Variants in ARHGAP10 observed in about 807,000 individuals in gnomAD.
The protein encoded by ARHGAP10 is rho GTPase-activating protein 10.
A neutral mutation model predicts 108.6 loss-of-function variants in ARHGAP10; 87 were observed. That is an observed-to-expected ratio of 0.80 (90% CI 0.67 to 0.96). The LOEUF is 0.96. Among genes scored for constraint, ARHGAP10 ranks in the 40% least tolerant of loss-of-function variants. ARHGAP10 has a pLI of 0.00. For synonymous variants in ARHGAP10, 347 were observed against 341.1 expected, an observed-to-expected ratio of 1.02 and a Z score of -0.19; for missense variants, 939 against 954.5, an observed-to-expected ratio of 0.98 and a Z score of 0.21.
intron 18 of ARHGAP10, among the ~76,000 whole-genome samples, chr4:147,979,589 A>G (rs573180724): frequency 1.1e-4 from 16 of 152,216 alleles, no homozygotes; most frequent in African/African-American, 3.6e-4. Flanking sequence ...TGGCAATTTG[A>G]TAGAAGTAAT....
intron 3 of ARHGAP10, among the ~76,000 whole-genome samples, chr4:147,825,169 TG>T (rs1193490550): frequency 1.7e-5 from 1 of 57,430 alleles, no homozygotes; most frequent in Non-Finnish European, 3.3e-5. Context: ...GACAGAGGGC[TG>T]GGCGCAGTGG....
intron 13 of ARHGAP10, among the ~76,000 whole-genome samples, chr4:147,923,075 G>A (rs975371): frequency 0.14 from 21,119 of 152,138 alleles, 3,218 homozygotes; most frequent in African/African-American, 0.36. Flanking sequence ...TGGTAATATT[G>A]TGTGTCTCAA....
chr4:147,997,329 C>A (rs1394507325), intron 18 of ARHGAP10, among the ~76,000 whole-genome samples: 1 of 152,088 alleles, frequency 6.6e-6, no homozygotes, highest in African/African-American at 2.4e-5. Flanking sequence ...AATGAACTTA[C>A]TAAAATTAAT....
Position 147,837,650 on chromosome 4 carries a change from T to TTTTTTGTTTTTTTTTTTTG in ARHGAP10, c.313-9496_313-9495insGTTTTTTTTTTTTGTTTTT, listed in dbSNP as rs1553955211. Among the ~76,000 whole-genome samples the TTTTTTGTTTTTTTTTTTTG allele has an allele frequency of 1.4e-4, 16 of 112,008 alleles. 1 individual carries two copies. The highest frequency in any genetic ancestry group is 2.4e-4 in the Non-Finnish European group (13 of 54,602). 73.5% of individuals were successfully genotyped at this position (112,008 alleles called of 152,430 possible). Reference sequence around the variant, plus strand: ...CTAGAATCTCTGGTCACTGTTTTTTTTTTTTTTTTTTTAAAGCAGTAGCTT... The same window carrying TTTTTTGTTTTTTTTTTTTG: ...CTAGAATCTCTGGTCACTGTTTTTTTTTTTTGTTTTTTTTTTTTGTTTTTTTTTTTTAAAGCAGTAGCTT... On this transcript the variant is annotated intron_variant, in intron 3 of 22. Coordinates refer to ENST00000336498, the MANE Select transcript of ARHGAP10 (RefSeq NM_024605.4).
At chr4:148,027,026 A>C (rs1022315940) in intron 19 of ARHGAP10, among the ~76,000 whole-genome samples, 1 of 152,196 alleles carries the variant, frequency 6.6e-6, no homozygotes, top group African/African-American at 2.4e-5. Context: ...TAATTCCCCC[A>C]AATACAAGGA....
At chr4:147,754,466 G>A (rs758403058) in intron 1 of ARHGAP10, among the ~76,000 whole-genome samples, 14 of 152,180 alleles carry the variant, frequency 9.2e-5, no homozygotes, top group East Asian at 1.9e-4. Context: ...GCACAGTTGG[G>A]ATAGTGTTCA....
At position 147,814,302 on chromosome 4, in the gene ARHGAP10, T is replaced by G. The variant is rs377621044; in HGVS notation, c.155-8425T>G. On this transcript the variant is annotated intron_variant, in intron 1 of 22. Coordinates refer to ENST00000336498, the MANE Select transcript of ARHGAP10 (RefSeq NM_024605.4). ...TTGCTAGGATGCATCTTTTTTTTTT[T>G]TTCCAAGCTTTAAATTTATTTGAAG... 7.9e-3 allele frequency among the ~76,000 whole-genome samples: 1,207 copies of G among 152,278 alleles called. 21 individuals carry two copies. The highest frequency in any genetic ancestry group is 0.028 in the African/African-American group (1,155 of 41,560).
At position 147,822,890 on chromosome 4, in the gene ARHGAP10, T is replaced by C. The variant is rs1732564012; in HGVS notation, c.251-6T>C. 2.5e-6 allele frequency: 4 copies of C among 1,614,060 alleles called. 1 individual carries two copies. The South Asian group carries it at 4.4e-5, about 18-fold the overall frequency. On this transcript the variant is annotated splice_region_variant and splice_polypyrimidine_tract_variant and intron_variant, in intron 2 of 22. Coordinates refer to ENST00000336498, the MANE Select transcript of ARHGAP10 (RefSeq NM_024605.4). ...CCACCAAATAATCACTCCTTTCTTC[T>C]TACAGATGCTTCCTTACGTGAATTT...
At chr4:148,039,807 G>T (rs1357579604) in intron 19 of ARHGAP10, among the ~76,000 whole-genome samples, 1 of 151,904 alleles carries the variant, frequency 6.6e-6, no homozygotes, top group Non-Finnish European at 1.5e-5. Flanking sequence ...CTTTATAATT[G>T]AGGTCTTTGA....
At chr4:148,011,624 G>C (rs1741174178) in intron 18 of ARHGAP10, among the ~76,000 whole-genome samples, 1 of 152,230 alleles carries the variant, frequency 6.6e-6, no homozygotes, top group South Asian at 2.1e-4. Context: ...AAGCAGTCAG[G>C]AGCCTGTGCA....
chr4:147,866,830 AG>A lies in ARHGAP10; in HGVS notation c.702+15del. 1 of 1,549,964 alleles carries A rather than the reference AG, an allele frequency of 6.5e-7. No individual in the cohort carries two copies. The highest frequency in any genetic ancestry group is 1.2e-5 in the South Asian group (1 of 86,608). ...AACATTCAGAATGTAAGGAAGTGAAAGCTTTCTTTATAAAAAGATGTTTGAA... is the reference window on the plus strand; with the variant it reads ...AACATTCAGAATGTAAGGAAGTGAAACTTTCTTTATAAAAAGATGTTTGAA... On this transcript the variant is annotated intron_variant, in intron 7 of 22. Coordinates refer to ENST00000336498, the MANE Select transcript of ARHGAP10 (RefSeq NM_024605.4).
At chr4:147,942,649 C>T (rs1394884108) in intron 14 of ARHGAP10, among the ~76,000 whole-genome samples, 2 of 152,162 alleles carry the variant, frequency 1.3e-5, no homozygotes, top group Non-Finnish European at 2.9e-5. Context: ...CTTTCCTTCT[C>T]CCCTAATTCC....
chr4:148,017,859 G>A (rs1311069541), intron 18 of ARHGAP10, among the ~76,000 whole-genome samples: 1 of 152,046 alleles, frequency 6.6e-6, no homozygotes, highest in Middle Eastern at 3.2e-3. Context: ...AGTATTTCTG[G>A]CAGAAGTGGT....
At chr4:148,065,638 T>A (rs1367099386) in intron 22 of ARHGAP10, 1 of 152,192 alleles carries the variant, frequency 6.6e-6, no homozygotes, top group African/African-American at 2.4e-5. Context: ...GCACACCATA[T>A]GGCTGAAGGG....
intron 1 of ARHGAP10, among the ~76,000 whole-genome samples, chr4:147,784,166 GTATTA>G (rs1424475345): frequency 5.2e-4 from 38 of 73,028 alleles, no homozygotes; most frequent in Admixed American, 7.2e-4. Context: ...ATTAAATTGT[GTATTA>G]TATATTTTAC....
intron 7 of ARHGAP10, among the ~76,000 whole-genome samples, chr4:147,870,166 T>A (rs1239307966): frequency 2.6e-5 from 4 of 151,978 alleles, no homozygotes; most frequent in East Asian, 1.9e-4. Context: ...TCCTCCTGCC[T>A]GTAGTCCTAG....
intron 4 of ARHGAP10, among the ~76,000 whole-genome samples, chr4:147,852,040 A>G (rs1404513646): frequency 1.3e-5 from 2 of 152,114 alleles, no homozygotes; most frequent in East Asian, 3.8e-4. Context: ...TTATTGTGAG[A>G]GTTGAGTGAA....
rs1422200407 is a variant in ARHGAP10 at position 147,955,311 on chromosome 4, C to T, written c.1392-5C>T. ...TGATAATTCTGAGCTGTTCTTTTCA[C>T]ACAGGAGTCTTCCAGAGCCTCTCAT... On this transcript the variant is annotated splice_region_variant and splice_polypyrimidine_tract_variant and intron_variant, in intron 15 of 22. Coordinates refer to ENST00000336498, the MANE Select transcript of ARHGAP10 (RefSeq NM_024605.4). 1 of 1,609,088 alleles carries T rather than the reference C, an allele frequency of 6.2e-7. No individual in the cohort carries two copies. Among genetic ancestry groups the T allele is most frequent in the Non-Finnish European group, 8.5e-7 (1 of 1,176,818 alleles).
intron 10 of ARHGAP10, among the ~76,000 whole-genome samples, chr4:147,883,908 TG>T (rs1264474496): frequency 1.3e-5 from 2 of 152,104 alleles, no homozygotes; most frequent in Non-Finnish European, 2.9e-5. Context: ...TTGGCCAGGC[TG>T]GTCTTGAACT....
Sources: gnomAD v4.1 joint callset for allele counts (sites outside exome capture counted in the v4.1 genomes callset) on GRCh38, gnomAD v4.1.1 for gene constraint, MANE v1.5 for transcripts, NCBI Gene and HGNC (gene_info 2026-07-23, HGNC 2026-07-21) for gene names.